Variants in TMC6 observed in about 807,000 individuals in gnomAD.
The protein encoded by TMC6 is transmembrane channel-like protein 6.
In TMC6, 71 loss-of-function variants were observed where a neutral mutation model predicts 95.4. That is an observed-to-expected ratio of 0.74 (90% CI 0.61 to 0.91). TMC6 has a LOEUF of 0.91. TMC6 is among the 40% of genes least tolerant of loss of function. The pLI, the probability that TMC6 is intolerant of heterozygous loss-of-function variation, is 0.00. For missense variants in TMC6, 1,074 were observed against 1,079.1 expected (o/e 1.00, Z 0.07); for synonymous variants, 514 against 483.1 (o/e 1.06, Z -0.84).
chr17:78,113,854 G>C, intron 18 of TMC6: 1 of 560,186 alleles, frequency 1.8e-6, no homozygotes, highest in Non-Finnish European at 3.2e-6. Context: ...AAAGTGAAAA[G>C]GGAAATGTAA....
Position 78,113,152 on chromosome 17 carries a change from G to A in TMC6, c.2414C>T (p.Ala805Val), listed in dbSNP as rs1304319444. ...GTGAGGCCCATCGCCGTCCCCCTAG[G>A]CATCCTGTTCATCTGTGAGCAGGGC... ...PPALLTDEQDA is the reference protein window; with the variant it reads ...PPALLTDEQDV Residue 805 changes from alanine to valine, a missense_variant, in exon 20 of 20, where the codon GCC becomes GTC. By Grantham distance (64) the Ala-to-Val change is moderately conservative. Coordinates refer to ENST00000590602, the MANE Select transcript of TMC6 (RefSeq NM_001127198.5). The A allele has an allele frequency of 4.5e-6, 7 of 1,554,832 alleles. No homozygotes were observed. In the East Asian group the frequency reaches 9.6e-5, roughly 21 times the overall value.
At position 78,124,495 on chromosome 17, in the gene TMC6, C is replaced by T. The variant is rs1323470849; in HGVS notation, c.891+29G>A. On this transcript the variant is annotated intron_variant, in intron 8 of 19. Transcript: ENST00000590602. ...CCAGGGTAGCAGAAGACAGGCACCCCCCGTCCCCCAGTCCTAGGGCTTCCT... is the reference window on the plus strand; with the variant it reads ...CCAGGGTAGCAGAAGACAGGCACCCTCCGTCCCCCAGTCCTAGGGCTTCCT... 3 of 1,603,982 alleles carry T rather than the reference C, an allele frequency of 1.9e-6. No homozygotes were observed. The South Asian group carries it at 3.3e-5, about 18-fold the overall frequency.
intron 9 of TMC6, 49 bp downstream of exon 9, chr17:78,123,935 TGAATG>T: frequency 1.3e-6 from 2 of 1,599,536 alleles, no homozygotes; most frequent in East Asian, 2.2e-5. Flanking sequence ...GGTCGAAAGA[TGAATG>T]GATGGATGAG....
chr17:78,121,791 AAC>A lies in TMC6; in HGVS notation c.1228-82_1228-81del. 6.7e-7 allele frequency: 1 copy of A among 1,483,452 alleles called. No individual in the cohort carries two copies. The highest frequency in any genetic ancestry group is 9.0e-7 in the Non-Finnish European group (1 of 1,113,196). 91.9% of individuals were successfully genotyped at this position (1,483,452 alleles called of 1,614,324 possible). A position where few individuals can be genotyped will look rare whatever the true frequency, so the allele number is the denominator to read the frequency against. On this transcript the variant is annotated intron_variant, in intron 10 of 19. Coordinates refer to ENST00000590602, the MANE Select transcript of TMC6 (RefSeq NM_001127198.5). The surrounding 1 kb of genome is among the most constrained non-coding windows in gnomAD (Gnocchi z 5.6). ...CGTGCAGACACAGCACAACACACAC[AAC>A]ACACATGAGACACACCAGGAGGCTT...
upstream of TMC6, chr17:78,131,991 G>C (rs1288621413): frequency 5.9e-6 from 9 of 1,528,514 alleles, no homozygotes; most frequent in Non-Finnish European, 7.9e-6. Context: ...GCTGGCCCGG[G>C]GCCTTGGGCT....
Position 78,117,596 on chromosome 17 carries a change from C to T in TMC6, c.2070G>A (p.Met690Ile). 3.8e-6 allele frequency: 6 copies of T among 1,583,590 alleles called. No individual in the cohort carries two copies. Among genetic ancestry groups the T allele is most frequent in the Non-Finnish European group, 5.1e-6 (6 of 1,166,440 alleles). The change falls in exon 17 of 20, where the codon ATG becomes ATA. Residue 690 changes from methionine (M) to isoleucine (I), a missense_variant. Coordinates refer to ENST00000590602, the MANE Select transcript of TMC6 (RefSeq NM_001127198.5). Reference protein sequence around the residue: ...TCGPFRTLDTMYEAGRVWVRH... With the variant: ...TCGPFRTLDTIYEAGRVWVRH... ...GCACCCACACCCTGCCGGCCTCGTACATGGTGTCCAGGGTCCGGAAGGGGC... is the reference window on the plus strand; with the variant it reads ...GCACCCACACCCTGCCGGCCTCGTATATGGTGTCCAGGGTCCGGAAGGGGC...
Position 78,120,772 on chromosome 17 carries a change from C to T in TMC6, c.1596G>A (p.Arg532=), listed in dbSNP as rs776900537. ...GTLCYHWLGR[R]VGVLQGQCWE... ...AGCACTGGCCCTGCAGGACGCCCAC[C>T]CTGCGGCCCAGCCAGTGGTAGCACA... The change falls in exon 13 of 20, where the codon AGG becomes AGA. Residue 532 remains arginine, a synonymous_variant. Coordinates refer to ENST00000590602, the MANE Select transcript of TMC6 (RefSeq NM_001127198.5). 1 of 1,613,418 alleles carries T rather than the reference C, an allele frequency of 6.2e-7. No homozygotes were observed. Among genetic ancestry groups the T allele is most frequent in the East Asian group, 2.2e-5 (1 of 44,884 alleles).
intron 13 of TMC6, chr17:78,120,284 C>T (rs1426056434): frequency 3.2e-5 from 12 of 372,714 alleles, no homozygotes; most frequent in African/African-American, 8.5e-5. Context: ...CTCTGCCTCC[C>T]GAGTAGCTGG....
At chr17:78,125,608 G>A (rs2074668950) in intron 5 of TMC6, 118 bp downstream of exon 5, 2 of 1,451,238 alleles carry the variant, frequency 1.4e-6, no homozygotes, top group East Asian at 5.0e-5. Flanking sequence ...CCTGCTAAGG[G>A]ATAGGAGAGG....
At chr17:78,129,895 T>C (rs1245340731), upstream of TMC6, among the ~76,000 whole-genome samples, 1 of 152,130 alleles carries the variant, frequency 6.6e-6, no homozygotes, top group Non-Finnish European at 1.5e-5. The surrounding 1 kb of genome is among the most constrained non-coding windows in gnomAD (Gnocchi z 4.3). Context: ...ACATCTGTGG[T>C]TCTGTGCCCC....
intron 13 of TMC6, chr17:78,120,405 T>G (rs1488762855): frequency 1.7e-6 from 1 of 587,362 alleles, no homozygotes; most frequent in Non-Finnish European, 3.2e-6. Flanking sequence ...GGTGATCCAC[T>G]CACCTCAGCC....
At chr17:78,113,291 G>C (rs1342184369) in intron 19 of TMC6, 80 bp from the exon 20 acceptor site, 3 of 1,473,290 alleles carry the variant, frequency 2.0e-6, no homozygotes, top group Non-Finnish European at 2.8e-6. Context: ...CCAAGGCCCG[G>C]CGAGGGACAG....
intron 8 of TMC6, 111 bp from the exon 9 acceptor site, chr17:78,124,290 G>A (rs1165540392): frequency 2.1e-6 from 3 of 1,449,434 alleles, no homozygotes; most frequent in African/African-American, 2.8e-5. Flanking sequence ...GGGCAGTGAG[G>A]GAAACAGGGA....
rs1168469112 is a variant in TMC6, at chr17:78,109,620, C to A, written c.*3528G>T. 4.4e-6 allele frequency: 2 copies of A among 449,640 alleles called. No homozygotes were observed. Among genetic ancestry groups the A allele is most frequent in the Non-Finnish European group, 9.0e-6 (2 of 223,222 alleles). The allele number at this position is 449,640 out of a possible 1,614,324, so 27.9% of individuals were successfully genotyped here. A position where few individuals can be genotyped will look rare whatever the true frequency, so the allele number is the denominator to read the frequency against. On this transcript the variant is annotated 3_prime_UTR_variant, in exon 20 of 20. Transcript: ENST00000590602. ...TGCTCCGGGATGGGCAACAGAAAGACCCCATCTCAAAAAAGCAGAAGCACA... is the reference window on the plus strand; with the variant it reads ...TGCTCCGGGATGGGCAACAGAAAGAACCCATCTCAAAAAAGCAGAAGCACA...
At chr17:78,125,680 C>A (rs768302306) in intron 5 of TMC6, 46 bp downstream of exon 5, 1 of 1,549,136 alleles carries the variant, frequency 6.5e-7, no homozygotes, top group Admixed American at 2.0e-5. Context: ...TGCACCCCAC[C>A]CCAGGCCGGT....
intron 15 of TMC6, chr17:78,118,162 T>C (rs2074228380): frequency 4.5e-6 from 3 of 667,138 alleles, no homozygotes; most frequent in Admixed American, 2.8e-5. Flanking sequence ...GTCGCTGCCA[T>C]GCCAGGCTCT....
Position 78,109,909 on chromosome 17 carries a change from A to G in TMC6, c.*3239T>C, listed in dbSNP as rs2073791473. 4.0e-6 allele frequency: 1 copy of G among 248,332 alleles called. No individual in the cohort carries two copies. Among genetic ancestry groups the G allele is most frequent in the Non-Finnish European group, 8.1e-6 (1 of 124,010 alleles). 15.4% of individuals were successfully genotyped at this position (248,332 alleles called of 1,614,324 possible). Reference sequence around the variant, plus strand: ...TGGAGAAACCCTGTCTCTACTAAAAATACAAAATTAGCTGGGCATGGTAGC... The same window carrying G: ...TGGAGAAACCCTGTCTCTACTAAAAGTACAAAATTAGCTGGGCATGGTAGC... On this transcript the variant is annotated 3_prime_UTR_variant, in exon 20 of 20. Coordinates refer to ENST00000590602, the MANE Select transcript of TMC6 (RefSeq NM_001127198.5).
At chr17:78,113,521 G>A in intron 19 of TMC6, 27 bp downstream of exon 19, 1 of 1,612,384 alleles carries the variant, frequency 6.2e-7, no homozygotes, top group Non-Finnish European at 8.5e-7. Flanking sequence ...GGCTCAGAGT[G>A]TCCCCAATCC....
chr17:78,131,744 G>T, upstream of TMC6: 1 of 1,577,830 alleles, frequency 6.3e-7, no homozygotes, highest in Non-Finnish European at 8.6e-7. Flanking sequence ...TCTGGTGGGT[G>T]CCACGCGGGC....
Sources: gnomAD v4.1 joint callset for allele counts (sites outside exome capture counted in the v4.1 genomes callset) on GRCh38, gnomAD v4.1.1 for gene constraint, Gnocchi (gnomAD v3.1) non-coding constraint, MANE v1.5 for transcripts, NCBI Gene and HGNC (gene_info 2026-07-23, HGNC 2026-07-21) for gene names.